UNC79: variants seen among roughly 807,000 people sequenced by gnomAD.
The protein encoded by UNC79 is unc-79 subunit of NALCN channel complex.
In UNC79, 37 loss-of-function variants were observed where a neutral mutation model predicts 283.1. The observed-to-expected ratio is 0.13, with a 90% CI of 0.10 to 0.17. The LOEUF is 0.17. UNC79 is among the 10% of genes least tolerant of loss of function. The probability of loss-of-function intolerance (pLI) is 1.00; values close to 1 mark genes in which losing one functional copy is unlikely to be tolerated. For synonymous variants in UNC79, 1,107 were observed against 1,200.2 expected (o/e 0.92, Z 1.61); for missense variants, 2,272 against 3,211.1 (o/e 0.71, Z 7.07).
rs573214600 is a variant in UNC79 at position 93,534,030 on chromosome 14, C to G, written c.1122+1452C>G. The stretch of plus-strand genomic sequence containing the variant: ...GAACTAAGAAGGAAAGTTATCTTCC[C>G]TCTCTGCACCCAAGACACAATGTTG... On this transcript the variant is annotated intron_variant, in intron 11 of 48. Transcript: ENST00000555664. Among the ~76,000 whole-genome samples the G allele has an allele frequency of 2.0e-5, 3 of 152,280 alleles. No individual in the cohort carries two copies. The South Asian group carries it at 6.2e-4, about 32-fold the overall frequency.
At chr14:93,587,811 A>G (rs893555918) in intron 22 of UNC79, among the ~76,000 whole-genome samples, 2 of 152,226 alleles carry the variant, frequency 1.3e-5, no homozygotes, top group African/African-American at 4.8e-5. Context: ...GTCACTGTCA[A>G]TCCAAGGGAA....
intron 29 of UNC79, among the ~76,000 whole-genome samples, chr14:93,619,541 C>G (rs967568890): frequency 6.6e-5 from 10 of 152,172 alleles, no homozygotes; most frequent in Non-Finnish European, 1.2e-4. Context: ...TGCGTTTCCC[C>G]AGAAACATGG....
chr14:93,697,457 A>G (rs2075224238), intron 47 of UNC79, among the ~76,000 whole-genome samples: 1 of 152,140 alleles, frequency 6.6e-6, no homozygotes, highest in African/African-American at 2.4e-5. Context: ...TATTTTTATA[A>G]CACACTGTCT....
At chr14:93,622,336 A>G (rs897651082) in exon 30 of UNC79, 3 of 1,614,158 alleles carry the variant, frequency 1.9e-6, no homozygotes, top group Non-Finnish European at 2.5e-6. Flanking sequence ...CTAAGGACTC[A>G]GGAAATAATC....
chr14:93,528,499 T>C lies in UNC79; in HGVS notation c.964-59T>C. On this transcript the variant is annotated intron_variant, in intron 8 of 48. Coordinates refer to ENST00000555664, the Ensembl canonical transcript of UNC79. Reference sequence around the variant, plus strand: ...ATTATTGAAGCATTTGTGCTTAGAATATAGGGAATGTGATACCCAGGAACA... The same window carrying C: ...ATTATTGAAGCATTTGTGCTTAGAACATAGGGAATGTGATACCCAGGAACA... The C allele has an allele frequency of 2.0e-6, 3 of 1,494,864 alleles. No individual in the cohort carries two copies. In the South Asian group the frequency reaches 3.5e-5, roughly 17 times the overall value. The allele number at this position is 1,494,864 out of a possible 1,614,324, so 92.6% of individuals were successfully genotyped here.
At chr14:93,432,579 A>T (rs909553032) in intron 1 of UNC79, among the ~76,000 whole-genome samples, 2 of 152,226 alleles carry the variant, frequency 1.3e-5, no homozygotes, top group Admixed American at 6.5e-5. Flanking sequence ...CTAAATAGTT[A>T]GGAAGCTCTC....
intron 45 of UNC79, chr14:93,691,518 C>A (rs1427994795): frequency 5.2e-6 from 3 of 581,318 alleles, no homozygotes; most frequent in South Asian, 2.2e-5. Context: ...AATTAAGGTG[C>A]CTTCTCTTAA....
chr14:93,622,921 T>C (rs2067245229), intron 30 of UNC79, 80 bp downstream of exon 32: 1 of 1,514,200 alleles, frequency 6.6e-7, no homozygotes, highest in Non-Finnish European at 8.9e-7. Context: ...GCACTGAATA[T>C]GCATCAGACT....
Position 93,558,589 on chromosome 14 carries a change from A to C in UNC79, c.1756-13305A>C, listed in dbSNP as rs541224943. ...AAAAAATCTTGTAGAGGAGAGAAAC[A>C]GGGATTTTTTTTTTTTTTTTTTTTT... On this transcript the variant is annotated intron_variant, in intron 14 of 48. Coordinates refer to ENST00000555664, the Ensembl canonical transcript of UNC79. Among the ~76,000 whole-genome samples, 1,042 of 116,902 alleles carry C rather than the reference A, an allele frequency of 8.9e-3. 17 individuals are homozygous for C. Among genetic ancestry groups the C allele is most frequent in the African/African-American group, 0.037 (1,000 of 27,026 alleles). 76.7% of individuals were successfully genotyped at this position (116,902 alleles called of 152,430 possible). A position where few individuals can be genotyped will look rare whatever the true frequency, so the allele number is the denominator to read the frequency against.
At chr14:93,600,972 C>G (rs1414196998) in intron 25 of UNC79, among the ~76,000 whole-genome samples, 1 of 152,164 alleles carries the variant, frequency 6.6e-6, no homozygotes, top group Non-Finnish European at 1.5e-5. Flanking sequence ...AATCAGAATT[C>G]TTTTCATTTC....
At chr14:93,431,489 G>T (rs1412454945) in intron 1 of UNC79, among the ~76,000 whole-genome samples, 1 of 151,988 alleles carries the variant, frequency 6.6e-6, no homozygotes, top group South Asian at 2.1e-4. Context: ...TCTTGGTGCT[G>T]GAGCCATAGG....
chr14:93,575,445 A>G (rs936235076), intron 17 of UNC79, among the ~76,000 whole-genome samples: 3 of 152,174 alleles, frequency 2.0e-5, no homozygotes, highest in African/African-American at 4.8e-5. Context: ...GATGAAAAAG[A>G]GTAGCTTTTT....
intron 1 of UNC79, among the ~76,000 whole-genome samples, chr14:93,343,092 C>G (rs558025094): frequency 8.5e-5 from 13 of 152,346 alleles, no homozygotes; most frequent in African/African-American, 1.4e-4. Context: ...GTTCCAACCT[C>G]TGCCTATTAC....
chr14:93,522,581 A>T (rs2060370813), intron 7 of UNC79, among the ~76,000 whole-genome samples: 1 of 152,144 alleles, frequency 6.6e-6, no homozygotes, highest in Non-Finnish European at 1.5e-5. Context: ...ACAACTCTTT[A>T]TATTCAGCTT....
intron 14 of UNC79, among the ~76,000 whole-genome samples, chr14:93,557,666 T>C (rs1049271929): frequency 6.6e-6 from 1 of 152,110 alleles, no homozygotes; most frequent in Non-Finnish European, 1.5e-5. Flanking sequence ...TACCCCCATA[T>C]GGTCACAAAG....
At chr14:93,667,538 A>G (rs904965945) in intron 40 of UNC79, among the ~76,000 whole-genome samples, 3 of 152,236 alleles carry the variant, frequency 2.0e-5, no homozygotes, top group African/African-American at 7.2e-5. Context: ...AGGTGCCTGG[A>G]AAATGGAATC....
At chr14:93,348,453 T>TTAAG (rs3830962) in intron 1 of UNC79, 14,219 of 247,740 alleles carry the variant, frequency 0.057, 931 homozygotes, top group African/African-American at 0.19. Flanking sequence ...GGGAGTGACA[T>TTAAG]TGTTACTATA....
exon 27 of UNC79, chr14:93,613,052 G>A: frequency 6.2e-7 from 1 of 1,614,200 alleles, no homozygotes; most frequent in Non-Finnish European, 8.5e-7. Flanking sequence ...CTGTCAACTT[G>A]CTTTAATGCA....
chr14:93,469,100 C>T (rs545427500), intron 2 of UNC79, among the ~76,000 whole-genome samples: 1 of 152,256 alleles, frequency 6.6e-6, no homozygotes, highest in South Asian at 2.1e-4. Flanking sequence ...TTCCATTTGC[C>T]AGGAAACTGT....
Sources: allele counts gnomAD v4.1 joint callset (sites outside exome capture counted in the v4.1 genomes callset), GRCh38; gene constraint gnomAD v4.1.1; transcripts MANE v1.5; gene names NCBI Gene and HGNC (gene_info 2026-07-23, HGNC 2026-07-21).